CORIN: variants seen among roughly 807,000 people sequenced by gnomAD.
CORIN encodes the protein corin, serine peptidase, also known as atrial natriuretic peptide-converting enzyme.
Under a neutral mutation model 125.3 loss-of-function variants are expected in CORIN, and 117 were observed. That is an observed-to-expected ratio of 0.93 (90% CI 0.80 to 1.09). The LOEUF (loss-of-function observed/expected upper bound fraction) is 1.09. CORIN is among the 50% of genes least tolerant of loss of function. The probability of loss-of-function intolerance (pLI) is 0.00; values close to 1 mark genes in which losing one functional copy is unlikely to be tolerated. For synonymous variants in CORIN, 450 were observed against 466.4 expected, an observed-to-expected ratio of 0.96 and a Z score of 0.45; for missense variants, 1,253 against 1,306.7, an observed-to-expected ratio of 0.96 and a Z score of 0.63.
rs148117864 is a variant in CORIN, at chr4:47,749,498, C to T, written c.618-4915G>A. On this transcript the variant is annotated intron_variant, in intron 4 of 21. Coordinates refer to ENST00000273857, the MANE Select transcript of CORIN (RefSeq NM_006587.4). ...CACATGAGCTTGGAAGTTGATCCTT[C>T]CCAGGTCAAGCCTTCAGATAAGACC... Among the ~76,000 whole-genome samples, 610 of 152,272 alleles carry T rather than the reference C, an allele frequency of 4.0e-3. 4 individuals carry two copies. In the Middle Eastern group the frequency reaches 0.058, roughly 14 times the overall value.
At chr4:47,809,053 TAG>T (rs1197351740) in intron 1 of CORIN, among the ~76,000 whole-genome samples, 1 of 152,160 alleles carries the variant, frequency 6.6e-6, no homozygotes, top group Non-Finnish European at 1.5e-5. Flanking sequence ...TAAGACATTG[TAG>T]AGAGAGCAAC....
intron 5 of CORIN, among the ~76,000 whole-genome samples, chr4:47,701,004 T>C (rs371686570): frequency 1.3e-5 from 2 of 152,224 alleles, no homozygotes; most frequent in Non-Finnish European, 2.9e-5. Context: ...CTACTGAGAA[T>C]GCAAAGGTCT....
chr4:47,726,782 C>T (rs970171507), intron 5 of CORIN, among the ~76,000 whole-genome samples: 2 of 151,920 alleles, frequency 1.3e-5, no homozygotes, highest in Admixed American at 1.3e-4. Flanking sequence ...TGAAGACTGG[C>T]ATTACTAGTT....
Position 47,737,520 on chromosome 4 carries a change from C to G in CORIN, c.799+6882G>C, listed in dbSNP as rs114303498. On this transcript the variant is annotated intron_variant, in intron 5 of 21. Coordinates refer to ENST00000273857, the MANE Select transcript of CORIN (RefSeq NM_006587.4). ...ACACATAGACTCAACTATTTTGGAT[C>G]AACATGAGATAACTCTTGTAGGCTT... Among the ~76,000 whole-genome samples, 1,209 of 152,286 alleles carry G rather than the reference C, an allele frequency of 7.9e-3. 19 individuals are homozygous for G. Among genetic ancestry groups the G allele is most frequent in the African/African-American group, 0.027 (1,133 of 41,546 alleles).
intron 3 of CORIN, among the ~76,000 whole-genome samples, chr4:47,780,858 C>T (rs529822425): frequency 6.6e-6 from 1 of 150,988 alleles, no homozygotes; most frequent in Non-Finnish European, 1.5e-5. Flanking sequence ...AAATATGATG[C>T]CAATGGTAAC....
intron 5 of CORIN, 95 bp from the exon 6 acceptor site, chr4:47,693,178 T>C (rs1725849033): frequency 3.7e-6 from 3 of 811,578 alleles, no homozygotes; most frequent in Non-Finnish European, 6.0e-6. Flanking sequence ...CTTCTTTTGC[T>C]ATTCAACAGA....
intron 3 of CORIN, among the ~76,000 whole-genome samples, chr4:47,769,035 CTGTT>C (rs1377048036): frequency 6.6e-6 from 1 of 152,150 alleles, no homozygotes; most frequent in Non-Finnish European, 1.5e-5. Context: ...TAAACGGTCT[CTGTT>C]TGTAACAACA....
At chr4:47,707,756 C>A (rs1471904033) in intron 5 of CORIN, among the ~76,000 whole-genome samples, 2 of 151,966 alleles carry the variant, frequency 1.3e-5, no homozygotes, top group Non-Finnish European at 2.9e-5. Flanking sequence ...TGAGAATATA[C>A]CTGGGTATGT....
rs753909061 is a variant in CORIN at position 47,744,483 on chromosome 4, A to G, written c.718T>C (p.Cys240Arg). The G allele has an allele frequency of 8.1e-6, 13 of 1,614,110 alleles. No homozygotes were observed. The highest frequency in any genetic ancestry group is 5.5e-5 in the South Asian group (5 of 91,072). ...VNYSWPDFLR[C>R]SQFRNQTESS... is the part of the protein sequence containing the mutation. ...TCAGTTTGGTTTCTAAACTGGGAGC[A>G]TCTGAGGAAATCCGGCCAGGAGTAA... The change falls in exon 5 of 22, where the codon TGC becomes CGC. Residue 240 changes from cysteine to arginine, a missense_variant. Transcript: ENST00000273857.
intron 19 of CORIN, among the ~76,000 whole-genome samples, chr4:47,621,551 TG>T: frequency 6.6e-6 from 1 of 152,228 alleles, no homozygotes; most frequent in Non-Finnish European, 1.5e-5. Flanking sequence ...TTGTTTGTTT[TG>T]TTTTGCTACA....
intron 5 of CORIN, among the ~76,000 whole-genome samples, chr4:47,718,870 C>T (rs1177846792): frequency 6.6e-6 from 1 of 152,174 alleles, no homozygotes; most frequent in Non-Finnish European, 1.5e-5. Flanking sequence ...CCCACAACTC[C>T]TATGGGTCCC....
chr4:47,667,006 C>T (rs768304788), intron 10 of CORIN, among the ~76,000 whole-genome samples: 4 of 152,192 alleles, frequency 2.6e-5, no homozygotes, highest in Non-Finnish European at 5.9e-5. Flanking sequence ...TGAATTGTAG[C>T]TCCCATAATC....
At chr4:47,687,349 TG>T (rs961750654) in intron 6 of CORIN, among the ~76,000 whole-genome samples, 1 of 152,200 alleles carries the variant, frequency 6.6e-6, no homozygotes, top group African/African-American at 2.4e-5. Context: ...ATGTTGTCAG[TG>T]CAATTTGGGG....
At chr4:47,626,084 T>C (rs1211336415) in intron 17 of CORIN, among the ~76,000 whole-genome samples, 1 of 152,210 alleles carries the variant, frequency 6.6e-6, no homozygotes, top group Non-Finnish European at 1.5e-5. Flanking sequence ...ACTAGTTCTA[T>C]GTAGCATCTG....
intron 5 of CORIN, among the ~76,000 whole-genome samples, chr4:47,728,843 C>T (rs987083612): frequency 4.6e-5 from 7 of 152,144 alleles, no homozygotes; most frequent in African/African-American, 1.7e-4. Context: ...TGATCTTGAG[C>T]TTCTGAGCTA....
chr4:47,655,542 G>A (rs1723933705), intron 12 of CORIN, among the ~76,000 whole-genome samples: 1 of 152,134 alleles, frequency 6.6e-6, no homozygotes, highest in African/African-American at 2.4e-5. Flanking sequence ...GGTAGTACTT[G>A]TCATAGACCT....
chr4:47,716,053 T>C (rs1398961015), intron 5 of CORIN, among the ~76,000 whole-genome samples: 3 of 152,224 alleles, frequency 2.0e-5, no homozygotes, highest in African/African-American at 7.2e-5. Flanking sequence ...ACATACTCAA[T>C]TGAACTAAAT....
intron 1 of CORIN, among the ~76,000 whole-genome samples, chr4:47,814,344 A>C (rs955625278): frequency 6.6e-6 from 1 of 152,156 alleles, no homozygotes; most frequent in African/African-American, 2.4e-5. Context: ...TGTCCTGCAC[A>C]ATCATTATGC....
At chr4:47,786,262 C>T (rs1193029977) in intron 3 of CORIN, among the ~76,000 whole-genome samples, 5 of 151,768 alleles carry the variant, frequency 3.3e-5, no homozygotes, top group East Asian at 1.9e-4. Flanking sequence ...CAGCAGGGCG[C>T]GGTGGCTCAC....
Sources: gnomAD v4.1 joint callset for allele counts (sites outside exome capture counted in the v4.1 genomes callset) on GRCh38, gnomAD v4.1.1 for gene constraint, MANE v1.5 for transcripts, NCBI Gene and HGNC (gene_info 2026-07-23, HGNC 2026-07-21) for gene names.